SLC44A1: variants seen among roughly 807,000 people sequenced by gnomAD.
SLC44A1 encodes the protein solute carrier family 44 member 1, also known as choline transporter-like protein 1.
In SLC44A1, 26 loss-of-function variants were observed where a neutral mutation model predicts 79.3. The ratio of observed to expected loss-of-function variants is 0.33; its 90% CI spans 0.24 to 0.46. The LOEUF is 0.46. Among genes scored for constraint, SLC44A1 ranks in the 20% least tolerant of loss-of-function variants. SLC44A1 has a pLI of 1.00. For synonymous variants in SLC44A1, 263 were observed against 286.2 expected (o/e 0.92, Z 0.82); for missense variants, 688 against 798.1 (o/e 0.86, Z 1.66).
intron 2 of SLC44A1, among the ~76,000 whole-genome samples, chr9:105,305,246 A>G (rs1830996420): frequency 6.6e-6 from 1 of 151,920 alleles, no homozygotes; most frequent in African/African-American, 2.4e-5. Flanking sequence ...CTGGAATTAC[A>G]GGGATGAACC....
intron 3 of SLC44A1, among the ~76,000 whole-genome samples, chr9:105,330,698 A>G (rs889968439): frequency 1.3e-5 from 2 of 152,100 alleles, no homozygotes; most frequent in African/African-American, 4.8e-5. Flanking sequence ...TTATTCAGAC[A>G]TCTCTCCTTT....
Position 105,397,040 on chromosome 9 carries a change from A to G in SLC44A1, c.*7984A>G. On this transcript the variant is annotated 3_prime_UTR_variant, in exon 16 of 16. Transcript: ENST00000374720. The stretch of plus-strand genomic sequence containing the variant: ...AGCATTATGCTCTCAGAGGACTTTA[A>G]AAATATGTATATTAAGCAATTAACT... 3.0e-6 allele frequency: 3 copies of G among 985,214 alleles called. No homozygotes were observed. Among genetic ancestry groups the G allele is most frequent in the Non-Finnish European group, 3.6e-6 (3 of 829,744 alleles). 61.0% of individuals were successfully genotyped at this position (985,214 alleles called of 1,614,324 possible).
chr9:105,418,055 C>T (rs1401598098), intron 15 of SLC44A1, among the ~76,000 whole-genome samples: 1 of 151,900 alleles, frequency 6.6e-6, no homozygotes, highest in Non-Finnish European at 1.5e-5. Flanking sequence ...GTGGCTCACG[C>T]CTGTAATCCC....
At chr9:105,302,801 T>A (rs1830915619) in intron 2 of SLC44A1, among the ~76,000 whole-genome samples, 1 of 152,130 alleles carries the variant, frequency 6.6e-6, no homozygotes, top group Non-Finnish European at 1.5e-5. Flanking sequence ...TGAAAAGTAT[T>A]GAGCAAGAAG....
chr9:105,416,724 C>T (rs1052943923), intron 15 of SLC44A1, among the ~76,000 whole-genome samples: 4 of 152,190 alleles, frequency 2.6e-5, no homozygotes, highest in African/African-American at 9.7e-5. Flanking sequence ...AGGAGTCAGG[C>T]CACGTCTCAC....
chr9:105,296,198 C>T (rs899406659), intron 1 of SLC44A1, among the ~76,000 whole-genome samples: 8 of 152,134 alleles, frequency 5.3e-5, no homozygotes, highest in Non-Finnish European at 2.9e-5. Context: ...TGAAGTAAGC[C>T]ACCCCTCCTC....
In SLC44A1 at chr9:105,282,878, A is replaced by G. The variant is rs975716657; in HGVS notation, c.37-16342A>G. Among the ~76,000 whole-genome samples the G allele has an allele frequency of 2.0e-5, 3 of 152,154 alleles. No individual in the cohort carries two copies. In the East Asian group the frequency reaches 5.8e-4, roughly 29 times the overall value. On this transcript the variant is annotated intron_variant, in intron 1 of 15. Coordinates refer to ENST00000374720, the MANE Select transcript of SLC44A1 (RefSeq NM_080546.5). Reference sequence around the variant, plus strand: ...ATTTTTTAATAGTTGGAATTTGCCAAGAAGGAGGATTTGGGGGTTTTGTGA... The same window carrying G: ...ATTTTTTAATAGTTGGAATTTGCCAGGAAGGAGGATTTGGGGGTTTTGTGA...
chr9:105,326,660 A>T (rs922945217), intron 3 of SLC44A1, among the ~76,000 whole-genome samples: 1 of 152,250 alleles, frequency 6.6e-6, no homozygotes, highest in African/African-American at 2.4e-5. Flanking sequence ...CTGTCTTCAG[A>T]AAAATACATA....
chr9:105,245,124 C>T (rs532587580), intron 1 of SLC44A1, among the ~76,000 whole-genome samples: 1 of 152,162 alleles, frequency 6.6e-6, no homozygotes, highest in Admixed American at 6.5e-5. Context: ...TGCGCGGCGC[C>T]TAGTGCGCCC....
At chr9:105,245,640 G>A (rs975941945) in intron 1 of SLC44A1, among the ~76,000 whole-genome samples, 2 of 152,210 alleles carry the variant, frequency 1.3e-5, no homozygotes, top group African/African-American at 4.8e-5. Flanking sequence ...GGAGCGCTAC[G>A]GAAACTCCCT....
chr9:105,399,589 A>G (rs1828929961), downstream of SLC44A1, among the ~76,000 whole-genome samples: 1 of 152,228 alleles, frequency 6.6e-6, no homozygotes, highest in Non-Finnish European at 1.5e-5. Flanking sequence ...ACTAAATTCC[A>G]AGCTTCCTGT....
At chr9:105,415,137 G>A (rs1380809718) in intron 15 of SLC44A1, among the ~76,000 whole-genome samples, 1 of 152,150 alleles carries the variant, frequency 6.6e-6, no homozygotes, top group East Asian at 1.9e-4. Context: ...GCACAATAGA[G>A]GTTTATTGAG....
rs758437873 is a variant in SLC44A1 at position 105,366,126 on chromosome 9, A to T, written c.1411-220A>T. On this transcript the variant is annotated intron_variant, in intron 11 of 15. Coordinates refer to ENST00000374720, the MANE Select transcript of SLC44A1 (RefSeq NM_080546.5). ...TTGTAAGTTCCTTGCAGGTGTTATA[A>T]ACTTCACTGTATATGCAGTAGAGAC... Among the ~76,000 whole-genome samples, 104 of 152,288 alleles carry T rather than the reference A, an allele frequency of 6.8e-4. No individual in the cohort carries two copies. The Middle Eastern group carries it at 0.017, about 25-fold the overall frequency.
intron 15 of SLC44A1, among the ~76,000 whole-genome samples, chr9:105,418,043 C>T (rs963877219): frequency 7.9e-5 from 12 of 151,728 alleles, no homozygotes; most frequent in African/African-American, 2.7e-4. Context: ...AGGCTGGGTG[C>T]GGTGGCTCAC....
chr9:105,371,612 G>A (rs1331016300), intron 12 of SLC44A1, among the ~76,000 whole-genome samples: 3 of 151,608 alleles, frequency 2.0e-5, no homozygotes, highest in Non-Finnish European at 4.4e-5. Context: ...CCAGCTACTC[G>A]GGAGGCTGAG....
At chr9:105,251,605 T>A (rs1334996901) in intron 1 of SLC44A1, among the ~76,000 whole-genome samples, 1 of 152,218 alleles carries the variant, frequency 6.6e-6, no homozygotes, top group Admixed American at 6.5e-5. Flanking sequence ...GTTCTCCATC[T>A]CTCTATAGGG....
chr9:105,268,819 T>C (rs572107050), intron 1 of SLC44A1, among the ~76,000 whole-genome samples: 34 of 152,188 alleles, frequency 2.2e-4, no homozygotes, highest in Non-Finnish European at 4.4e-4. Flanking sequence ...TAAAGTGGGG[T>C]ATGCAAAAAG....
intron 4 of SLC44A1, among the ~76,000 whole-genome samples, chr9:105,337,433 G>A (rs1826957723): frequency 1.3e-5 from 2 of 152,086 alleles, no homozygotes; most frequent in Non-Finnish European, 2.9e-5. Context: ...CAAATATTAA[G>A]TTGCTAAGAA....
intron 5 of SLC44A1, 26 bp from the exon 6 acceptor site, chr9:105,356,186 C>G (rs1313964747): frequency 1.9e-6 from 3 of 1,596,766 alleles, no homozygotes; most frequent in Non-Finnish European, 2.6e-6. Context: ...AATTTTTTTT[C>G]TGATTTTTTT....
Sources: allele counts gnomAD v4.1 joint callset (sites outside exome capture counted in the v4.1 genomes callset), GRCh38; gene constraint gnomAD v4.1.1; transcripts MANE v1.5; gene names NCBI Gene and HGNC (gene_info 2026-07-23, HGNC 2026-07-21).